CCDC171: variants seen among roughly 807,000 people sequenced by gnomAD.
CCDC171 encodes coiled-coil domain containing 171, also known as coiled-coil domain-containing protein 171.
Under a neutral mutation model 168.2 loss-of-function variants are expected in CCDC171, and 177 were observed. The ratio of observed to expected loss-of-function variants is 1.05; its 90% CI spans 0.93 to 1.19. CCDC171 has a LOEUF of 1.19. Among genes scored for constraint, CCDC171 ranks in the 50% most tolerant of loss-of-function variants. CCDC171 has a pLI of 0.00. For missense variants in CCDC171, 1,991 were observed against 1,539.0 expected (o/e 1.29, Z -4.91); for synonymous variants, 687 against 540.8 (o/e 1.27, Z -3.75).
At chr9:15,809,742 A>C (rs1264751067) in intron 21 of CCDC171, among the ~76,000 whole-genome samples, 4 of 152,186 alleles carry the variant, frequency 2.6e-5, no homozygotes. Context: ...GGACCCAAAG[A>C]GTGAGCAACA....
intron 3 of CCDC171, chr9:16,020,451 G>A (rs1033397312): frequency 2.0e-5 from 3 of 153,070 alleles, no homozygotes; most frequent in Non-Finnish European, 2.9e-5. Context: ...TGAAGAAATT[G>A]TAGAAGATTT....
chr9:15,646,015 C>T (rs1315373530), intron 7 of CCDC171, among the ~76,000 whole-genome samples: 3 of 152,118 alleles, frequency 2.0e-5, no homozygotes, highest in Non-Finnish European at 2.9e-5. Context: ...GGGTTACCCA[C>T]AAAGGGAAGC....
At chr9:15,883,397 C>G (rs1818975008) in intron 24 of CCDC171, among the ~76,000 whole-genome samples, 1 of 151,964 alleles carries the variant, frequency 6.6e-6, no homozygotes, top group African/African-American at 2.4e-5. Context: ...AAGGTATTTT[C>G]TGTATATCCA....
chr9:15,954,480 AC>A (rs1195469240), intron 25 of CCDC171, among the ~76,000 whole-genome samples: 3 of 151,974 alleles, frequency 2.0e-5, no homozygotes, highest in Non-Finnish European at 4.4e-5. Context: ...AATTTTGTGA[AC>A]TTTACAGTTT....
chr9:15,747,808 G>A (rs552006859), intron 18 of CCDC171, among the ~76,000 whole-genome samples: 31 of 152,174 alleles, frequency 2.0e-4, no homozygotes, highest in Non-Finnish European at 3.5e-4. Flanking sequence ...GAGCAGAAAG[G>A]CTGCAAATTC....
At chr9:15,962,211 T>TA (rs1267367299) in intron 25 of CCDC171, among the ~76,000 whole-genome samples, 3 of 152,190 alleles carry the variant, frequency 2.0e-5, no homozygotes, top group Non-Finnish European at 4.4e-5. Flanking sequence ...ATGAAATACT[T>TA]ATCTAGCTCT....
intron 25 of CCDC171, among the ~76,000 whole-genome samples, chr9:15,945,565 T>C (rs912109317): frequency 4.0e-4 from 54 of 134,144 alleles, no homozygotes; most frequent in African/African-American, 1.3e-3. Flanking sequence ...TTTTAATGAT[T>C]GCCATTCTAA....
At chr9:15,825,064 G>C (rs2059956043) in intron 21 of CCDC171, among the ~76,000 whole-genome samples, 1 of 152,058 alleles carries the variant, frequency 6.6e-6, no homozygotes, top group Non-Finnish European at 1.5e-5. Context: ...TGGTATGGAA[G>C]CAGGATAGAA....
chr9:15,665,424 G>C (rs992285223), intron 8 of CCDC171, among the ~76,000 whole-genome samples: 2 of 152,156 alleles, frequency 1.3e-5, no homozygotes, highest in Non-Finnish European at 2.9e-5. Context: ...AAATTTCTTA[G>C]GCTTATAAAG....
chr9:15,867,459 T>TA (rs1161835308), intron 23 of CCDC171, among the ~76,000 whole-genome samples: 1 of 152,046 alleles, frequency 6.6e-6, no homozygotes, highest in East Asian at 1.9e-4. Flanking sequence ...CTCTAAATGT[T>TA]ACTTACGGTC....
intron 24 of CCDC171, chr9:15,886,268 A>G (rs980481573): frequency 3.3e-5 from 5 of 152,218 alleles, no homozygotes; most frequent in African/African-American, 1.2e-4. Context: ...ATATATAAGG[A>G]ACTCATACAA....
the CCDC171 span, among the ~76,000 whole-genome samples, chr9:16,070,249 G>A: frequency 2.0e-5 from 3 of 152,306 alleles, no homozygotes; most frequent in South Asian, 2.1e-4. Flanking sequence ...TAACACCCCC[G>A]GCCGGACTGG....
At chr9:15,897,261 C>T (rs944116967) in intron 24 of CCDC171, among the ~76,000 whole-genome samples, 3 of 146,372 alleles carry the variant, frequency 2.0e-5, no homozygotes, top group African/African-American at 5.1e-5. Flanking sequence ...ATAAGTTAAT[C>T]GAGTATACCA....
chr9:15,583,705 A>G (rs911871820), intron 4 of CCDC171, among the ~76,000 whole-genome samples: 29 of 152,270 alleles, frequency 1.9e-4, no homozygotes, highest in African/African-American at 5.8e-4. Context: ...TGAGTGCACC[A>G]GAATCTCAGA....
intron 18 of CCDC171, among the ~76,000 whole-genome samples, chr9:15,771,021 AAAAT>A (rs1408903574): frequency 6.6e-6 from 1 of 152,222 alleles, no homozygotes; most frequent in Non-Finnish European, 1.5e-5. Context: ...TAATATCAAT[AAAAT>A]AAATCTATAT....
At chr9:15,873,221 A>G (rs533593108) in intron 23 of CCDC171, among the ~76,000 whole-genome samples, 5 of 152,190 alleles carry the variant, frequency 3.3e-5, no homozygotes, top group East Asian at 3.9e-4. Context: ...AAGAAACTCA[A>G]TAGAGTTTGT....
At chr9:15,588,771 G>A (rs1296428568) in intron 4 of CCDC171, among the ~76,000 whole-genome samples, 4 of 145,672 alleles carry the variant, frequency 2.7e-5, no homozygotes, top group Admixed American at 1.4e-4. Context: ...GCAGTGGCAC[G>A]ACCTCGGCTC....
chr9:15,610,046 A>T (rs1258643414), intron 6 of CCDC171, among the ~76,000 whole-genome samples: 1 of 151,194 alleles, frequency 6.6e-6, no homozygotes, highest in South Asian at 2.1e-4. Flanking sequence ...ATTTTATTTC[A>T]TCTTTTGGGT....
chr9:15,597,375 A>G lies in CCDC171; in HGVS notation c.675+3203A>G, dbSNP rs551440903. Among the ~76,000 whole-genome samples, 6 of 152,226 alleles carry G rather than the reference A, an allele frequency of 3.9e-5. No homozygotes were observed. In the South Asian group the frequency reaches 1.2e-3, roughly 32 times the overall value. ...CATGAAGGGTTGCTGAATTTTGTCA[A>G]AGGCCTTTTCTGCATTTATTGAGAT... On this transcript the variant is annotated intron_variant, in intron 6 of 25. Transcript: ENST00000380701.
Sources: gnomAD v4.1 joint callset for allele counts (sites outside exome capture counted in the v4.1 genomes callset) on GRCh38, gnomAD v4.1.1 for gene constraint, MANE v1.5 for transcripts, NCBI Gene and HGNC (gene_info 2026-07-23, HGNC 2026-07-21) for gene names.